The following EBF2 variants were observed in gnomAD, a reference collection of about 807,000 sequenced individuals.
EBF2 encodes the protein transcription factor COE2.
Under a neutral mutation model 72.8 loss-of-function variants are expected in EBF2, and 21 were observed. That is an observed-to-expected ratio of 0.29 (90% CI 0.20 to 0.42). The LOEUF is 0.42. Ranked by LOEUF, EBF2 falls within the 10% of genes least tolerant of loss-of-function variation. EBF2 has a pLI of 1.00. For missense variants in EBF2, 637 were observed against 731.2 expected (o/e 0.87, Z 1.49); for synonymous variants, 299 against 274.2 (o/e 1.09, Z -0.89).
intron 15 of EBF2, among the ~76,000 whole-genome samples, chr8:25,846,038 T>G (rs1347296241): frequency 2.0e-5 from 3 of 152,208 alleles, no homozygotes; most frequent in Non-Finnish European, 4.4e-5. Flanking sequence ...CCTGCCCATA[T>G]AGCCTTTATT....
intron 10 of EBF2, among the ~76,000 whole-genome samples, chr8:25,886,313 A>G (rs1802689206): frequency 6.6e-6 from 1 of 152,246 alleles, no homozygotes; most frequent in Non-Finnish European, 1.5e-5. Context: ...GATACAAAGT[A>G]GAAATTTAAC....
chr8:26,012,027 T>G (rs4521764), intron 6 of EBF2, among the ~76,000 whole-genome samples: 33 of 152,134 alleles, frequency 2.2e-4, no homozygotes, highest in African/African-American at 7.7e-4. Context: ...GAGAAACTTC[T>G]TCACCTTAGG....
chr8:25,945,482 T>C (rs1353361727), intron 6 of EBF2, among the ~76,000 whole-genome samples: 1 of 151,888 alleles, frequency 6.6e-6, no homozygotes, highest in Admixed American at 6.6e-5. Context: ...GTTAGAGAAG[T>C]AAAAAGAGCC....
At chr8:26,005,830 C>CA (rs34153696) in intron 6 of EBF2, among the ~76,000 whole-genome samples, 5 of 118,562 alleles carry the variant, frequency 4.2e-5, no homozygotes, top group Admixed American at 1.8e-4. Flanking sequence ...GACCAAGTCT[C>CA]AAAAAAAAAA....
intron 7 of EBF2, among the ~76,000 whole-genome samples, chr8:25,907,366 G>A (rs1803052422): frequency 8.0e-6 from 1 of 124,726 alleles, no homozygotes; most frequent in East Asian, 2.7e-4. Flanking sequence ...TTTGCAGTGA[G>A]CCAAGATCAC....
At chr8:25,866,628 TA>T (rs1802331335) in intron 10 of EBF2, among the ~76,000 whole-genome samples, 1 of 103,796 alleles carries the variant, frequency 9.6e-6, no homozygotes, top group African/African-American at 4.7e-5. Flanking sequence ...ATTATATATA[TA>T]TATATATTTT....
intron 6 of EBF2, among the ~76,000 whole-genome samples, chr8:25,997,335 C>G (rs1442876378): frequency 6.6e-6 from 1 of 152,096 alleles, no homozygotes; most frequent in African/African-American, 2.4e-5. Flanking sequence ...CTTTGGGAGG[C>G]CAAGGCAGGC....
intron 6 of EBF2, among the ~76,000 whole-genome samples, chr8:25,940,354 G>T (rs550693513): frequency 7.9e-5 from 12 of 152,280 alleles, no homozygotes; most frequent in South Asian, 6.2e-4. Flanking sequence ...GGGAGTTGAC[G>T]TGACTTGCCT....
chr8:25,992,777 G>A (rs1804565609), intron 6 of EBF2, among the ~76,000 whole-genome samples: 1 of 151,850 alleles, frequency 6.6e-6, no homozygotes, highest in Non-Finnish European at 1.5e-5. Context: ...GGTGGCACAT[G>A]CCTGTGGTCC....
chr8:25,994,208 G>T (rs1804587596), intron 6 of EBF2, among the ~76,000 whole-genome samples: 1 of 151,948 alleles, frequency 6.6e-6, no homozygotes, highest in African/African-American at 2.4e-5. Context: ...TAAAAATAAT[G>T]ATCAAAATAG....
chr8:26,024,964 A>G (rs1294218617), intron 6 of EBF2, among the ~76,000 whole-genome samples: 1 of 152,248 alleles, frequency 6.6e-6, no homozygotes, highest in Non-Finnish European at 1.5e-5. Context: ...TAGGTAAAAT[A>G]AATAAATAAT....
At chr8:25,845,781 C>T (rs1035438680) in intron 15 of EBF2, among the ~76,000 whole-genome samples, 1 of 152,214 alleles carries the variant, frequency 6.6e-6, no homozygotes, top group East Asian at 1.9e-4. Flanking sequence ...AGTTTCCATG[C>T]ATCAGAACCT....
At chr8:25,959,827 T>C (rs1804008726) in intron 6 of EBF2, among the ~76,000 whole-genome samples, 1 of 152,046 alleles carries the variant, frequency 6.6e-6, no homozygotes, top group African/African-American at 2.4e-5. Context: ...GTCAGGAATG[T>C]GGAGGTCTGA....
At chr8:25,875,391 T>C (rs1385173388) in intron 10 of EBF2, among the ~76,000 whole-genome samples, 3 of 152,228 alleles carry the variant, frequency 2.0e-5, no homozygotes, top group African/African-American at 7.2e-5. Flanking sequence ...TTCCTGAAAG[T>C]TGGAATGCAA....
intron 6 of EBF2, among the ~76,000 whole-genome samples, chr8:25,984,636 G>T (rs1488027291): frequency 6.6e-6 from 1 of 151,904 alleles, no homozygotes; most frequent in Non-Finnish European, 1.5e-5. Flanking sequence ...GAGCCGACAG[G>T]GTGCCACTGC....
chr8:25,963,565 C>CA (rs752769246), intron 6 of EBF2, among the ~76,000 whole-genome samples: 12 of 152,122 alleles, frequency 7.9e-5, no homozygotes, highest in Non-Finnish European at 1.6e-4. Flanking sequence ...AAAAATTAAA[C>CA]AAAATGAGGG....
At chr8:25,992,208 C>T (rs1804555857) in intron 6 of EBF2, among the ~76,000 whole-genome samples, 1 of 151,628 alleles carries the variant, frequency 6.6e-6, no homozygotes, top group Non-Finnish European at 1.5e-5. Context: ...GGCATGGTGG[C>T]AGGCGCCTGT....
At chr8:25,858,666 T>TTTTTC (rs1453160884) in intron 13 of EBF2, among the ~76,000 whole-genome samples, 162 bp from the exon 14 acceptor site, 1 of 142,926 alleles carries the variant, frequency 7.0e-6, no homozygotes, top group African/African-American at 2.7e-5. Context: ...TTTTTTTTTT[T>TTTTTC]TTTTTTTTTT....
intron 6 of EBF2, among the ~76,000 whole-genome samples, chr8:25,968,213 G>A (rs1255096858): frequency 6.6e-6 from 1 of 151,850 alleles, no homozygotes; most frequent in African/African-American, 2.4e-5. Context: ...CTGGAAGCAG[G>A]GTTTGAAGAG....
Sources: allele counts gnomAD v4.1 joint callset (sites outside exome capture counted in the v4.1 genomes callset), GRCh38; gene constraint gnomAD v4.1.1; transcripts MANE v1.5; gene names NCBI Gene and HGNC (gene_info 2026-07-23, HGNC 2026-07-21).